Variants in ATG4B observed in about 807,000 individuals in gnomAD.
The protein encoded by ATG4B is autophagy related 4B cysteine peptidase.
A neutral mutation model predicts 56.6 loss-of-function variants in ATG4B; 29 were observed. That is an observed-to-expected ratio of 0.51 (90% CI 0.38 to 0.70). The LOEUF is 0.70. ATG4B is among the 30% of genes least tolerant of loss of function. The pLI is 0.00. For synonymous variants in ATG4B, 224 were observed against 206.1 expected (o/e 1.09, Z -0.74); for missense variants, 461 against 515.5 (o/e 0.89, Z 1.02).
chr2:241,657,844 G>A (rs1179889790), intron 6 of ATG4B, among the ~76,000 whole-genome samples: 3 of 152,154 alleles, frequency 2.0e-5, no homozygotes, highest in South Asian at 2.1e-4. Flanking sequence ...GCCTTGAACC[G>A]CCCTGGCTCT....
intron 5 of ATG4B, 166 bp downstream of exon 5, chr2:241,654,813 C>T (rs757363012): frequency 3.2e-6 from 2 of 626,172 alleles, no homozygotes; most frequent in Non-Finnish European, 5.6e-6. Context: ...ACATCACCCC[C>T]GTGTCATCCC....
chr2:241,662,401 G>A (rs1351435465), intron 7 of ATG4B, among the ~76,000 whole-genome samples: 1 of 152,192 alleles, frequency 6.6e-6, no homozygotes. Context: ...GTAGGTATGT[G>A]TACTGTGTAG....
Position 241,672,337 on chromosome 2 carries a change from C to T in ATG4B, c.*73C>T. On this transcript the variant is annotated 3_prime_UTR_variant, in exon 13 of 13. Transcript: ENST00000404914. ...TGCCGCTGCGTTTCATCCATCCCGC[C>T]CGCTCGCCTGCCGAGGGCTGCGCCC... 1 of 1,370,810 alleles carries T rather than the reference C, an allele frequency of 7.3e-7. No homozygotes were observed. The highest frequency in any genetic ancestry group is 1.4e-5 in the African/African-American group (1 of 69,356). 84.9% of individuals were successfully genotyped at this position (1,370,810 alleles called of 1,614,324 possible).
chr2:241,671,562 G>A, intron 12 of ATG4B, 157 bp downstream of exon 12: 1 of 1,530,202 alleles, frequency 6.5e-7, no homozygotes, highest in Non-Finnish European at 8.8e-7. Context: ...GTATGGAGTG[G>A]AGCGTCCCCT....
intron 4 of ATG4B, 75 bp downstream of exon 4, chr2:241,653,685 C>T: frequency 2.2e-6 from 3 of 1,355,220 alleles, no homozygotes; most frequent in Non-Finnish European, 3.1e-6. Flanking sequence ...GGTCAGGGCT[C>T]TTTAGAGCAG....
rs540375754 is a variant in ATG4B at position 241,671,161 on chromosome 2, G to C, written c.1015-151G>C. The C allele has an allele frequency of 8.3e-6, 6 of 719,462 alleles. No individual in the cohort carries two copies. In the African/African-American group the frequency reaches 1.1e-4, roughly 13 times the overall value. The allele number at this position is 719,462 out of a possible 1,614,324, so 44.6% of individuals were successfully genotyped here. A position where few individuals can be genotyped will look rare whatever the true frequency, so the allele number is the denominator to read the frequency against. On this transcript the variant is annotated intron_variant, in intron 11 of 12. Coordinates refer to ENST00000404914, the MANE Select transcript of ATG4B (RefSeq NM_013325.5). ...GTGTTGATCACCACACTGGGTTCTC[G>C]TGTAGCCTTTAGTGTGGAGCTGCCT...
intron 1 of ATG4B, among the ~76,000 whole-genome samples, chr2:241,645,219 A>G (rs1053709403): frequency 2.0e-5 from 3 of 152,184 alleles, no homozygotes; most frequent in African/African-American, 7.2e-5. Context: ...AGACCTCCTC[A>G]TAACTGAAGA....
In ATG4B at chr2:241,651,594, A is replaced by G. The variant is rs1433429476; in HGVS notation, c.184+259A>G. Among the ~76,000 whole-genome samples the G allele has an allele frequency of 1.3e-5, 2 of 152,152 alleles. No homozygotes were observed. The highest frequency in any genetic ancestry group is 6.6e-5 in the Admixed American group (1 of 15,266). On this transcript the variant is annotated intron_variant, in intron 3 of 12. Transcript: ENST00000404914. This position sits in a 1 kb window ranked among gnomAD's most constrained non-coding sequence, Gnocchi z 4.1. ...CTGGAAATCAGTATCATGAGTTATG[A>G]CCAACGTTGTTTTAAATGTAGGACA... is the stretch of plus-strand genomic sequence containing the variant.
intron 7 of ATG4B, among the ~76,000 whole-genome samples, chr2:241,662,629 C>T (rs889728415): frequency 6.6e-6 from 1 of 152,136 alleles, no homozygotes; most frequent in Admixed American, 6.5e-5. Flanking sequence ...TTCATGTGTT[C>T]GATCATATTC....
chr2:241,651,067 C>T lies in ATG4B; in HGVS notation c.68C>T (p.Ser23Leu), dbSNP rs2125122970. 1 of 1,613,950 alleles carries T rather than the reference C, an allele frequency of 6.2e-7. No individual in the cohort carries two copies. The highest frequency in any genetic ancestry group is 2.2e-5 in the East Asian group (1 of 44,888). Residue 23 changes from serine (S) to leucine (L), a missense_variant, in exon 2 of 13, where the codon TCA (serine) becomes TTA (leucine). Ser to Leu is a moderately radical substitution (Grantham distance 145, BLOSUM62 -2). Transcript: ENST00000404914. This position sits in a 1 kb window ranked among gnomAD's most constrained non-coding sequence, Gnocchi z 4.1. Reference sequence around the variant, plus strand: ...GAGTTTGAAGATTTTCCTGAGACCTCAGAGCCCGTTTGGATACTGGGTAGA... The same window carrying T: ...GAGTTTGAAGATTTTCCTGAGACCTTAGAGCCCGTTTGGATACTGGGTAGA... ...FAEFEDFPET[S>L]EPVWILGRKY...
intron 1 of ATG4B, among the ~76,000 whole-genome samples, chr2:241,650,425 G>A (rs1027551016): frequency 2.6e-5 from 4 of 152,172 alleles, no homozygotes; most frequent in Non-Finnish European, 4.4e-5. Context: ...AGTCTTCCCA[G>A]CAGCTCAGTG....
At chr2:241,671,885 C>T in intron 12 of ATG4B, 1 of 1,318,934 alleles carries the variant, frequency 7.6e-7, no homozygotes, top group Non-Finnish European at 9.7e-7. Flanking sequence ...ACTCTACAAA[C>T]AAGGCAATGG....
rs370689185 is a variant in ATG4B at position 241,670,710 on chromosome 2, C to T, written c.958-16C>T. ...GATGGGGGTGTCGTGTTCTGCTCATCGTCATTTCGTTTTAGGGGTTTTTCT... is the reference window on the plus strand; with the variant it reads ...GATGGGGGTGTCGTGTTCTGCTCATTGTCATTTCGTTTTAGGGGTTTTTCT... On this transcript the variant is annotated splice_polypyrimidine_tract_variant and intron_variant, in intron 10 of 12. Coordinates refer to ENST00000404914, the MANE Select transcript of ATG4B (RefSeq NM_013325.5). 2.1e-5 allele frequency: 34 copies of T among 1,604,302 alleles called. No homozygotes were observed. The African/African-American group carries it at 3.3e-4, about 16-fold the overall frequency.
rs568245395 is a variant in ATG4B at position 241,670,424 on chromosome 2, T to C, written c.958-302T>C. 252 of 455,314 alleles carry C rather than the reference T, an allele frequency of 5.5e-4. 2 individuals carry two copies. The highest frequency in any genetic ancestry group is 4.6e-3 in the African/African-American group (230 of 50,486). The allele number at this position is 455,314 out of a possible 1,614,324, so 28.2% of individuals were successfully genotyped here. A position where few individuals can be genotyped will look rare whatever the true frequency, so the allele number is the denominator to read the frequency against. ...CCCCACTTGGCCCTAACTCATAACC[T>C]GCCCCAATCCCGGAACACTCGGTGA... is the stretch of plus-strand genomic sequence containing the variant. On this transcript the variant is annotated intron_variant, in intron 10 of 12. Transcript: ENST00000404914.
At chr2:241,672,031 A>T in intron 12 of ATG4B, 160 bp from the exon 13 acceptor site, 1 of 1,348,880 alleles carries the variant, frequency 7.4e-7, no homozygotes, top group East Asian at 3.1e-5. Context: ...CCATATTCGC[A>T]GGTCTGCACA....
At chr2:241,664,851 C>G (rs1294283812) in intron 7 of ATG4B, among the ~76,000 whole-genome samples, 1 of 152,184 alleles carries the variant, frequency 6.6e-6, no homozygotes, top group Non-Finnish European at 1.5e-5. Context: ...GTAATCCCAG[C>G]TACTGGGGAG....
chr2:241,652,353 C>T (rs2125124410), intron 3 of ATG4B, among the ~76,000 whole-genome samples: 1 of 152,348 alleles, frequency 6.6e-6, no homozygotes, highest in East Asian at 1.9e-4. Flanking sequence ...AGCTACCCTG[C>T]CGCGTGCTGG....
chr2:241,663,842 C>CT (rs1291554821), intron 7 of ATG4B, among the ~76,000 whole-genome samples: 1 of 148,928 alleles, frequency 6.7e-6, no homozygotes, highest in Non-Finnish European at 1.5e-5. Context: ...CAGTTCTGCT[C>CT]TGTCGCCAGG....
chr2:241,642,526 T>C (rs2067922820), intron 1 of ATG4B, among the ~76,000 whole-genome samples: 1 of 151,832 alleles, frequency 6.6e-6, no homozygotes, highest in Non-Finnish European at 1.5e-5. Context: ...TAGGAAGGTT[T>C]CTTCGAAATG....
Sources: gnomAD v4.1 joint callset for allele counts (sites outside exome capture counted in the v4.1 genomes callset) on GRCh38, gnomAD v4.1.1 for gene constraint, Gnocchi (gnomAD v3.1) non-coding constraint, MANE v1.5 for transcripts, NCBI Gene and HGNC (gene_info 2026-07-23, HGNC 2026-07-21) for gene names.